CTIF: variants seen among roughly 807,000 people sequenced by gnomAD.
CTIF encodes the protein CBP80/20-dependent translation initiation factor.
In CTIF, 21 loss-of-function variants were observed where a neutral mutation model predicts 66.0. The observed-to-expected ratio is 0.32, with a 90% CI of 0.23 to 0.46. CTIF has a LOEUF of 0.46. Ranked by LOEUF, CTIF falls within the 20% of genes least tolerant of loss-of-function variation. The probability of loss-of-function intolerance (pLI) is 1.00; values close to 1 mark genes in which losing one functional copy is unlikely to be tolerated. For synonymous variants in CTIF, 345 were observed against 326.4 expected (o/e 1.06, Z -0.62); for missense variants, 739 against 812.7 (o/e 0.91, Z 1.10).
intron 1 of CTIF, among the ~76,000 whole-genome samples, chr18:48,579,278 C>T (rs2089600963): frequency 6.6e-6 from 1 of 152,120 alleles, no homozygotes; most frequent in African/African-American, 2.4e-5. Flanking sequence ...TCCTGAGTAG[C>T]TGGGACTACA....
At chr18:48,730,674 T>TCTGCGGTGTGAGGAGCCC (rs1356700456) in intron 7 of CTIF, among the ~76,000 whole-genome samples, 1 of 106,712 alleles carries the variant, frequency 9.4e-6, no homozygotes, top group Admixed American at 9.0e-5. Flanking sequence ...GTGAGGGGCT[T>TCTGCGGTGTGAGGAGCCC]CTGCGGTGTG....
intron 1 of CTIF, among the ~76,000 whole-genome samples, chr18:48,611,237 C>A (rs572514076): frequency 6.6e-6 from 1 of 152,350 alleles, no homozygotes; most frequent in African/African-American, 2.4e-5. Flanking sequence ...TCAGACCTGG[C>A]AGATGTGCCT....
chr18:48,602,558 T>G (rs1309549827), intron 1 of CTIF, among the ~76,000 whole-genome samples: 1 of 152,248 alleles, frequency 6.6e-6, no homozygotes, highest in African/African-American at 2.4e-5. Context: ...CTAAGATCTC[T>G]TCTAGTTCTA....
intron 9 of CTIF, among the ~76,000 whole-genome samples, chr18:48,784,048 T>C (rs528061784): frequency 2.0e-5 from 3 of 152,338 alleles, no homozygotes; most frequent in Admixed American, 1.3e-4. Flanking sequence ...GCTGAGCATG[T>C]GCTGTGTTCC....
At chr18:48,712,575 A>G (rs1476820049) in intron 7 of CTIF, among the ~76,000 whole-genome samples, 1 of 152,260 alleles carries the variant, frequency 6.6e-6, no homozygotes, top group Non-Finnish European at 1.5e-5. Flanking sequence ...TGCCTCAGGA[A>G]TTAAAATGAG....
At chr18:48,677,964 A>G (rs2091663011) in intron 6 of CTIF, among the ~76,000 whole-genome samples, 1 of 152,152 alleles carries the variant, frequency 6.6e-6, no homozygotes, top group African/African-American at 2.4e-5. Flanking sequence ...TTATTCTATT[A>G]TTATTTCACA....
intron 7 of CTIF, among the ~76,000 whole-genome samples, chr18:48,727,691 GT>G (rs2092398030): frequency 6.6e-6 from 1 of 152,190 alleles, no homozygotes; most frequent in Non-Finnish European, 1.5e-5. Flanking sequence ...TAGAAGCTCT[GT>G]TGTTTGACTG....
chr18:48,802,233 C>A (rs888897269), intron 9 of CTIF, among the ~76,000 whole-genome samples: 21 of 152,214 alleles, frequency 1.4e-4, no homozygotes, highest in Admixed American at 7.9e-4. Flanking sequence ...GTGAGCACAG[C>A]CCCACTCTGT....
intron 6 of CTIF, among the ~76,000 whole-genome samples, chr18:48,679,856 G>C (rs75798565): frequency 0.014 from 2,162 of 152,238 alleles, 58 homozygotes; most frequent in African/African-American, 0.05. Context: ...CTGGGCCTTG[G>C]GGGGTGGCCT....
At chr18:48,850,475 C>G (rs972328222) in intron 10 of CTIF, among the ~76,000 whole-genome samples, 1 of 152,156 alleles carries the variant, frequency 6.6e-6, no homozygotes, top group African/African-American at 2.4e-5. Flanking sequence ...CGTTTATCCC[C>G]AAAATGAGCT....
At chr18:48,646,092 GC>G (rs747562272) in intron 3 of CTIF, among the ~76,000 whole-genome samples, 7 of 152,158 alleles carry the variant, frequency 4.6e-5, no homozygotes, top group Non-Finnish European at 1.0e-4. Flanking sequence ...TTAAATTTTT[GC>G]TCTGGGAAGG....
At chr18:48,647,964 G>T (rs1188283981) in intron 3 of CTIF, among the ~76,000 whole-genome samples, 1 of 152,192 alleles carries the variant, frequency 6.6e-6, no homozygotes, top group Non-Finnish European at 1.5e-5. Flanking sequence ...GTGTTGGAAT[G>T]GGGGGTGTTG....
At chr18:48,578,810 T>C (rs1453000442) in intron 1 of CTIF, among the ~76,000 whole-genome samples, 1 of 152,262 alleles carries the variant, frequency 6.6e-6, no homozygotes, top group Admixed American at 6.5e-5. Flanking sequence ...ACTTGATGAT[T>C]TGCTTTGAAG....
chr18:48,781,405 G>GGGCCAGT (rs1238219933), intron 9 of CTIF, among the ~76,000 whole-genome samples: 1 of 152,218 alleles, frequency 6.6e-6, no homozygotes, highest in Non-Finnish European at 1.5e-5. Flanking sequence ...CGGGCCCCAG[G>GGGCCAGT]GGCCAGTGGC....
chr18:48,587,185 G>A (rs767630767), intron 1 of CTIF, among the ~76,000 whole-genome samples: 12 of 151,136 alleles, frequency 7.9e-5, no homozygotes, highest in Non-Finnish European at 1.2e-4. Context: ...AGGTTCAGGC[G>A]ATTCTCCTGC....
chr18:48,808,109 A>G (rs1403251053), intron 9 of CTIF, among the ~76,000 whole-genome samples: 1 of 152,250 alleles, frequency 6.6e-6, no homozygotes, highest in Non-Finnish European at 1.5e-5. Context: ...ATGCCCATAT[A>G]TAAGTGCCTG....
intron 1 of CTIF, among the ~76,000 whole-genome samples, chr18:48,606,065 T>G (rs1338896492): frequency 3.3e-5 from 5 of 152,238 alleles, no homozygotes; most frequent in African/African-American, 1.2e-4. Context: ...GGGAGGCCTC[T>G]GTAATCGGGC....
chr18:48,630,299 G>T (rs528205288), intron 2 of CTIF, among the ~76,000 whole-genome samples: 1 of 152,174 alleles, frequency 6.6e-6, no homozygotes, highest in Non-Finnish European at 1.5e-5. Context: ...TCAGGGTTGG[G>T]GGGGTGGGCG....
chr18:48,563,217 C>T (rs1319653384), intron 1 of CTIF, among the ~76,000 whole-genome samples: 2 of 152,118 alleles, frequency 1.3e-5, no homozygotes, highest in African/African-American at 4.8e-5. Flanking sequence ...AGGGATGACA[C>T]CCAGCCTCCT....
Sources: gnomAD v4.1 joint callset for allele counts (sites outside exome capture counted in the v4.1 genomes callset) on GRCh38, gnomAD v4.1.1 for gene constraint, MANE v1.5 for transcripts, NCBI Gene and HGNC (gene_info 2026-07-23, HGNC 2026-07-21) for gene names.